The following TADA3 variants were observed in gnomAD, a reference collection of about 807,000 sequenced individuals.
TADA3 encodes transcriptional adaptor 3, also known as transcriptional adapter 3.
In TADA3, 25 loss-of-function variants were observed where a neutral mutation model predicts 43.2. That is an observed-to-expected ratio of 0.58 (90% CI 0.42 to 0.81). TADA3 has a LOEUF of 0.81. Among genes scored for constraint, TADA3 ranks in the 30% least tolerant of loss-of-function variants. The pLI, the probability that TADA3 is intolerant of heterozygous loss-of-function variation, is 0.00. For synonymous variants in TADA3, 235 were observed against 225.5 expected (o/e 1.04, Z -0.38); for missense variants, 441 against 567.8 (o/e 0.78, Z 2.27).
In TADA3 at chr3:9,790,654, A is replaced by C. The variant is rs923893596; in HGVS notation, c.207+606T>G. Among the ~76,000 whole-genome samples, 11 of 152,326 alleles carry C rather than the reference A, an allele frequency of 7.2e-5. No individual in the cohort carries two copies. In the East Asian group the frequency reaches 2.1e-3, roughly 29 times the overall value. On this transcript the variant is annotated intron_variant, in intron 2 of 8. Transcript: ENST00000301964. ...AATAAAGTCATCAGAGTAGCAAATA[A>C]ATAACATCTGAAGTACTTACTTAGT...
chr3:9,787,074 G>A lies in TADA3; in HGVS notation c.742C>T (p.His248Tyr). 6.2e-7 allele frequency: 1 copy of A among 1,614,242 alleles called. No individual in the cohort carries two copies. The highest frequency in any genetic ancestry group is 8.5e-7 in the Non-Finnish European group (1 of 1,180,048). ...DALLKKSEAQ[H>Y]EQPEDGCPFG... ...GGGCATCCATCTTCCGGCTGTTCAT[G>A]CTGGGCCTCAGACTTCTTCAGCAGG... The change falls in exon 6 of 9, where the codon CAT (histidine) becomes TAT (tyrosine). Residue 248 changes from histidine (H) to tyrosine (Y), a missense_variant. Transcript: ENST00000301964.
At chr3:9,782,039 C>T (rs1227163610) in intron 8 of TADA3, among the ~76,000 whole-genome samples, 4 of 151,882 alleles carry the variant, frequency 2.6e-5, no homozygotes, top group African/African-American at 9.7e-5. Flanking sequence ...GGTCTGACTA[C>T]ATTGCCCAGG....
At chr3:9,781,300 T>C (rs1004735563) in intron 8 of TADA3, among the ~76,000 whole-genome samples, 13 of 151,720 alleles carry the variant, frequency 8.6e-5, no homozygotes, top group African/African-American at 3.1e-4. Context: ...TATATATACA[T>C]ACACACACAC....
chr3:9,792,876 G>A (rs182437897), upstream of TADA3: 99 of 1,385,836 alleles, frequency 7.1e-5, 2 homozygotes, highest in Admixed American at 3.2e-3. Context: ...AAGGGAAGCT[G>A]CACCCATTCC....
chr3:9,781,833 CTTTTTTT>C lies in TADA3; in HGVS notation c.1107-1291_1107-1285del, dbSNP rs35246642. On this transcript the variant is annotated intron_variant, in intron 8 of 8. Coordinates refer to ENST00000301964, the MANE Select transcript of TADA3 (RefSeq NM_006354.5). ...GCCATTTCTTCATTGCCCATTACTT[CTTTTTTT>C]TTTTTTTTTTTTTTTTTTGAGACAG... 1.4e-3 allele frequency among the ~76,000 whole-genome samples: 124 copies of C among 86,890 alleles called. 1 individual carries two copies. The highest frequency in any genetic ancestry group is 1.1e-3 in the East Asian group (3 of 2,620). 57.0% of individuals were successfully genotyped at this position (86,890 alleles called of 152,430 possible).
At chr3:9,786,680 A>G (rs1559718775) in intron 6 of TADA3, among the ~76,000 whole-genome samples, 1 of 152,184 alleles carries the variant, frequency 6.6e-6, no homozygotes, top group Non-Finnish European at 1.5e-5. Context: ...TTGTGGAGTA[A>G]GGCTACCTTT....
chr3:9,792,856 C>T (rs1233281647), upstream of TADA3: 24 of 1,368,680 alleles, frequency 1.8e-5, no homozygotes, highest in Non-Finnish European at 2.0e-5. Flanking sequence ...ACAAGAAGGC[C>T]GAAGGCACAA....
intron 7 of TADA3, 120 bp downstream of exon 7, chr3:9,785,196 T>C: frequency 1.5e-6 from 1 of 688,578 alleles, no homozygotes; most frequent in Non-Finnish European, 2.5e-6. Flanking sequence ...TTGAGACTGC[T>C]ATTAGGCTTC....
At position 9,787,116 on chromosome 3, in the gene TADA3, G is replaced by A. The variant is rs372908813; in HGVS notation, c.707-7C>T. On this transcript the variant is annotated splice_polypyrimidine_tract_variant and splice_region_variant and intron_variant, in intron 5 of 8. Transcript: ENST00000301964. ...TTCAGCAGGGCATCCACATCTAAGC[G>A]GGCACAGGAAAGGAGGGGAGGTGGG... 1.9e-5 allele frequency: 30 copies of A among 1,614,160 alleles called. No individual in the cohort carries two copies. In the East Asian group the frequency reaches 3.6e-4, roughly 19 times the overall value.
intron 7 of TADA3, among the ~76,000 whole-genome samples, 162 bp from the exon 8 acceptor site, chr3:9,784,375 C>T (rs1039892199): frequency 1.3e-5 from 2 of 152,020 alleles, no homozygotes; most frequent in African/African-American, 4.8e-5. Flanking sequence ...CACATCTGGT[C>T]TGGTTTTTAA....
chr3:9,790,667 GTACT>G (rs1033568567), intron 2 of TADA3, among the ~76,000 whole-genome samples: 59 of 152,316 alleles, frequency 3.9e-4, no homozygotes, highest in African/African-American at 1.4e-3. Flanking sequence ...AACATCTGAA[GTACT>G]TACTTAGTGT....
intron 3 of TADA3, 30 bp from the exon 4 acceptor site, chr3:9,789,644 G>A (rs765914608): frequency 1.1e-5 from 17 of 1,611,366 alleles, no homozygotes; most frequent in South Asian, 5.5e-5. Context: ...CTGAGTGGGC[G>A]CCCCTGCCCC....
intron 7 of TADA3, among the ~76,000 whole-genome samples, chr3:9,784,711 A>G (rs1006438458): frequency 1.3e-5 from 2 of 152,032 alleles, no homozygotes; most frequent in African/African-American, 4.8e-5. Context: ...CTAAAAATAC[A>G]AAAATGAGCC....
chr3:9,787,667 G>A, intron 4 of TADA3: 1 of 1,373,010 alleles, frequency 7.3e-7, no homozygotes, highest in South Asian at 1.2e-5. Flanking sequence ...GGTCACGGGT[G>A]ACAGGGAATT....
chr3:9,788,381 G>T (rs1385618331), intron 4 of TADA3, among the ~76,000 whole-genome samples: 2 of 151,890 alleles, frequency 1.3e-5, no homozygotes, highest in Admixed American at 1.3e-4. Flanking sequence ...GAGCAGCTGG[G>T]ACTACAGGCG....
chr3:9,790,692 G>A (rs759146927), intron 2 of TADA3, among the ~76,000 whole-genome samples: 3 of 152,202 alleles, frequency 2.0e-5, no homozygotes, highest in Non-Finnish European at 4.4e-5. Context: ...CTGGCATTGG[G>A]CTGAGTTTTT....
At chr3:9,784,575 T>C (rs1457763324) in intron 7 of TADA3, among the ~76,000 whole-genome samples, 2 of 151,912 alleles carry the variant, frequency 1.3e-5, no homozygotes, top group Admixed American at 6.6e-5. Context: ...TTAAATATAT[T>C]GTAAGTAAGC....
At chr3:9,786,716 C>A (rs369987640) in intron 6 of TADA3, among the ~76,000 whole-genome samples, 14 of 152,156 alleles carry the variant, frequency 9.2e-5, no homozygotes, top group African/African-American at 3.4e-4. Flanking sequence ...AAAACAGGGG[C>A]ATGAGAGGGG....
rs762774794 is a variant in TADA3 at position 9,791,298 on chromosome 3, C to A, written c.169G>T (p.Ala57Ser). The A allele has an allele frequency of 6.2e-7, 1 of 1,613,674 alleles. No homozygotes were observed. The highest frequency in any genetic ancestry group is 8.5e-7 in the Non-Finnish European group (1 of 1,180,018). Residue 57 changes from alanine (A) to serine (S), a missense_variant, in exon 2 of 9, where the codon GCC becomes TCC. Coordinates refer to ENST00000301964, the MANE Select transcript of TADA3 (RefSeq NM_006354.5). ...QLELETLLSSASRRLRVLEAE... is the reference protein window; with the variant it reads ...QLELETLLSSSSRRLRVLEAE... Reference sequence around the variant, plus strand: ...TCAAGCACACGCAGGCGCCGGCTGGCAGAAGACAGCAGGGTCTCCAGCTCC... The same window carrying A: ...TCAAGCACACGCAGGCGCCGGCTGGAAGAAGACAGCAGGGTCTCCAGCTCC...
Sources: allele counts gnomAD v4.1 joint callset (sites outside exome capture counted in the v4.1 genomes callset), GRCh38; gene constraint gnomAD v4.1.1; transcripts MANE v1.5; gene names NCBI Gene and HGNC (gene_info 2026-07-23, HGNC 2026-07-21).